The following PTPRN2 variants were observed in gnomAD, a reference collection of about 807,000 sequenced individuals.
The protein encoded by PTPRN2 is receptor-type tyrosine-protein phosphatase N2.
PTPRN2 carries 74 observed loss-of-function variants against 118.8 expected under a neutral mutation model. The ratio of observed to expected loss-of-function variants is 0.62; its 90% CI spans 0.52 to 0.76. The LOEUF (loss-of-function observed/expected upper bound fraction) is 0.76. Among genes scored for constraint, PTPRN2 ranks in the 30% least tolerant of loss-of-function variants. PTPRN2 has a pLI of 0.00. For missense variants in PTPRN2, 1,481 were observed against 1,394.4 expected (o/e 1.06, Z -0.99); for synonymous variants, 641 against 608.0 (o/e 1.05, Z -0.80).
intron 2 of PTPRN2, among the ~76,000 whole-genome samples, chr7:158,415,969 G>A (rs770095880): frequency 2.0e-5 from 3 of 152,276 alleles, no homozygotes; most frequent in Non-Finnish European, 4.4e-5. Context: ...TCCCCATGAC[G>A]TGTCTGGTGG....
chr7:157,659,492 T>C (rs1180943786), intron 13 of PTPRN2, among the ~76,000 whole-genome samples: 1 of 137,222 alleles, frequency 7.3e-6, no homozygotes, highest in Admixed American at 7.2e-5. Context: ...GGGATGACTA[T>C]GGGGACCGGG....
intron 6 of PTPRN2, among the ~76,000 whole-genome samples, chr7:158,153,097 G>T (rs574203560): frequency 6.6e-6 from 1 of 151,958 alleles, no homozygotes; most frequent in South Asian, 2.1e-4. Context: ...AGAGCAGACC[G>T]ACAGACACCA....
chr7:157,899,288 A>C (rs935496883), intron 11 of PTPRN2, among the ~76,000 whole-genome samples: 1 of 152,208 alleles, frequency 6.6e-6, no homozygotes, highest in African/African-American at 2.4e-5. Flanking sequence ...CTCCTGATGT[A>C]GAATGAGGAA....
intron 3 of PTPRN2, among the ~76,000 whole-genome samples, chr7:158,253,359 T>C (rs563707372): frequency 1.3e-5 from 2 of 152,294 alleles, no homozygotes; most frequent in South Asian, 2.1e-4. Context: ...AAATACACTT[T>C]CGCGTGTTTC....
At chr7:158,513,407 C>G (rs568664544) in intron 1 of PTPRN2, among the ~76,000 whole-genome samples, 2 of 152,116 alleles carry the variant, frequency 1.3e-5, no homozygotes, top group Non-Finnish European at 2.9e-5. Context: ...GATCCTGGGA[C>G]AGAGAAACTT....
chr7:157,970,638 C>CCT (rs1554503313), intron 11 of PTPRN2, among the ~76,000 whole-genome samples: 8 of 143,498 alleles, frequency 5.6e-5, no homozygotes, highest in African/African-American at 2.1e-4. Context: ...CAGAGCGGAC[C>CCT]CCCCCCCCCA....
At chr7:158,193,123 C>T (rs551853706) in intron 4 of PTPRN2, among the ~76,000 whole-genome samples, 9 of 152,304 alleles carry the variant, frequency 5.9e-5, no homozygotes, top group South Asian at 2.1e-4. Flanking sequence ...AGGGCAGGGA[C>T]GCCGGAGGCT....
chr7:158,049,396 C>G (rs796887340), intron 11 of PTPRN2, among the ~76,000 whole-genome samples: 5 of 152,350 alleles, frequency 3.3e-5, no homozygotes, highest in African/African-American at 1.2e-4. Context: ...ACACTACATG[C>G]TCTGCCCTGT....
chr7:157,668,941 C>G (rs544371748), intron 13 of PTPRN2, among the ~76,000 whole-genome samples: 1 of 152,336 alleles, frequency 6.6e-6, no homozygotes, highest in Non-Finnish European at 1.5e-5. Context: ...CACAGTTTTA[C>G]TTGATTTTAT....
chr7:158,191,737 G>C (rs1293614676), intron 5 of PTPRN2, among the ~76,000 whole-genome samples: 1 of 152,096 alleles, frequency 6.6e-6, no homozygotes, highest in Non-Finnish European at 1.5e-5. Flanking sequence ...AAACACTCCT[G>C]GGGTTCGCCT....
intron 1 of PTPRN2, among the ~76,000 whole-genome samples, chr7:158,504,598 C>T (rs996884352): frequency 1.3e-5 from 2 of 152,222 alleles, no homozygotes; most frequent in African/African-American, 4.8e-5. Flanking sequence ...TATCCAGTCC[C>T]TCACTGATGG....
At chr7:158,261,339 A>AACG (rs140986957) in intron 3 of PTPRN2, among the ~76,000 whole-genome samples, 45,493 of 151,906 alleles carry the variant, frequency 0.3, 6,966 homozygotes, top group Middle Eastern at 0.33. Flanking sequence ...GGGAGGTAAC[A>AACG]GCCCCTGGGA....
intron 2 of PTPRN2, among the ~76,000 whole-genome samples, chr7:158,321,742 G>A (rs1396243963): frequency 1.3e-5 from 2 of 152,146 alleles, no homozygotes; most frequent in East Asian, 1.9e-4. Context: ...TGGGCTCCCT[G>A]TCCACCCGTC....
At chr7:158,465,155 A>G (rs1350633175) in intron 2 of PTPRN2, among the ~76,000 whole-genome samples, 1 of 152,158 alleles carries the variant, frequency 6.6e-6, no homozygotes, top group South Asian at 2.1e-4. Flanking sequence ...TGGGCCTTGT[A>G]TGTGGAGATA....
In PTPRN2 at chr7:157,629,708, C is replaced by A. The variant is rs150208277; in HGVS notation, c.2197-8199G>T. ...GACTTCTTCCCACTGTAGAACAAGGCGTGTTAAAGAAAGCTGGGCTTTGGG... is the reference window on the plus strand; with the variant it reads ...GACTTCTTCCCACTGTAGAACAAGGAGTGTTAAAGAAAGCTGGGCTTTGGG... On this transcript the variant is annotated intron_variant, in intron 14 of 22. Coordinates refer to ENST00000389418, the MANE Select transcript of PTPRN2 (RefSeq NM_002847.5). The surrounding 1 kb of genome is among the most constrained non-coding windows in gnomAD (Gnocchi z 4.4). 2.1e-3 allele frequency among the ~76,000 whole-genome samples: 325 copies of A among 152,298 alleles called. 1 individual carries two copies. Among genetic ancestry groups the A allele is most frequent in the African/African-American group, 7.4e-3 (308 of 41,568 alleles).
intron 3 of PTPRN2, among the ~76,000 whole-genome samples, chr7:158,284,510 A>G (rs1053680521): frequency 4.6e-5 from 7 of 152,234 alleles, no homozygotes; most frequent in African/African-American, 1.7e-4. Flanking sequence ...CACTCTGGTA[A>G]TAGGAAGAGT....
intron 11 of PTPRN2, among the ~76,000 whole-genome samples, chr7:157,992,513 T>C (rs2128846852): frequency 6.6e-6 from 1 of 152,358 alleles, no homozygotes; most frequent in African/African-American, 2.4e-5. Flanking sequence ...CAGCGCCTTA[T>C]GGTGCTAAGG....
chr7:157,788,374 C>CAAAAAA (rs749886375), intron 12 of PTPRN2, among the ~76,000 whole-genome samples: 56 of 75,496 alleles, frequency 7.4e-4, no homozygotes, highest in African/African-American at 1.8e-3. Context: ...GACTCCATCT[C>CAAAAAA]AAAAAAAAAA....
chr7:158,394,752 C>T (rs907311076), intron 2 of PTPRN2, among the ~76,000 whole-genome samples: 1 of 152,248 alleles, frequency 6.6e-6, no homozygotes, highest in Non-Finnish European at 1.5e-5. Flanking sequence ...AGGCAACTCA[C>T]AAAAACACAG....
Sources: allele counts gnomAD v4.1 joint callset (sites outside exome capture counted in the v4.1 genomes callset), GRCh38; gene constraint gnomAD v4.1.1; non-coding constraint Gnocchi (gnomAD v3.1); transcripts MANE v1.5; gene names NCBI Gene and HGNC (gene_info 2026-07-23, HGNC 2026-07-21).